Variants in GNAL observed in about 807,000 individuals in gnomAD.
GNAL encodes the protein G protein subunit alpha L.
A neutral mutation model predicts 55.1 loss-of-function variants in GNAL; 18 were observed. The ratio of observed to expected loss-of-function variants is 0.33; its 90% CI spans 0.23 to 0.48. The LOEUF (loss-of-function observed/expected upper bound fraction) is 0.48, where lower values mean the gene tolerates loss of function less well. Among genes scored for constraint, GNAL ranks in the 20% least tolerant of loss-of-function variants. GNAL has a pLI of 0.99. For synonymous variants in GNAL, 253 were observed against 237.0 expected (o/e 1.07, Z -0.62); for missense variants, 412 against 614.1 (o/e 0.67, Z 3.48).
chr18:11,701,007 T>G (rs1001817764), intron 1 of GNAL, among the ~76,000 whole-genome samples: 2 of 152,184 alleles, frequency 1.3e-5, no homozygotes, highest in African/African-American at 4.8e-5. Flanking sequence ...GCCAGGTGCT[T>G]CTCTGGGTGA....
At position 11,752,817 on chromosome 18, in the gene GNAL, GAC is replaced by G. The variant is rs768887593; in HGVS notation, c.377-32_377-31del. The G allele has an allele frequency of 4.8e-6, 7 of 1,464,024 alleles. No homozygotes were observed. The highest frequency in any genetic ancestry group is 4.5e-5 in the South Asian group (4 of 88,022). 90.7% of individuals were successfully genotyped at this position (1,464,024 alleles called of 1,614,324 possible). On this transcript the variant is annotated intron_variant, in intron 1 of 11. Transcript: ENST00000334049. The surrounding 1 kb of genome is among the most constrained non-coding windows in gnomAD (Gnocchi z 4.5). ...TGGTGAGAGATGGCAGCGATATCCG[GAC>G]ACAGATCACAGCGTTCTTTCTGTTT...
intron 1 of GNAL, among the ~76,000 whole-genome samples, chr18:11,691,868 G>A (rs537660224): frequency 1.3e-5 from 2 of 152,206 alleles, no homozygotes; most frequent in African/African-American, 4.8e-5. Context: ...GTGTAACTGC[G>A]TGCAGGAGGG....
chr18:11,782,645 G>A (rs1192345443), intron 4 of GNAL, among the ~76,000 whole-genome samples: 1 of 152,086 alleles, frequency 6.6e-6, no homozygotes, highest in African/African-American at 2.4e-5. Context: ...TAAGGAGATG[G>A]GAGGGGCTCA....
At chr18:11,786,209 TA>T (rs1245862122) in intron 4 of GNAL, among the ~76,000 whole-genome samples, 1 of 152,120 alleles carries the variant, frequency 6.6e-6, no homozygotes, top group Non-Finnish European at 1.5e-5. Flanking sequence ...TTAATAGGGT[TA>T]TATCCTCACA....
At chr18:11,757,892 TA>T in intron 4 of GNAL, among the ~76,000 whole-genome samples, 1 of 151,760 alleles carries the variant, frequency 6.6e-6, no homozygotes, top group African/African-American at 2.4e-5. Context: ...GTGACCTTGA[TA>T]AGGACCCAGG....
At chr18:11,722,968 G>A (rs1461579402) in intron 1 of GNAL, among the ~76,000 whole-genome samples, 1 of 145,406 alleles carries the variant, frequency 6.9e-6, no homozygotes, top group Non-Finnish European at 1.5e-5. Context: ...CCAAGATCGC[G>A]CTATTGCACT....
At chr18:11,753,173 A>G (rs761938156) in intron 2 of GNAL, among the ~76,000 whole-genome samples, 6 of 152,056 alleles carry the variant, frequency 3.9e-5, no homozygotes, top group South Asian at 2.1e-4. Context: ...GTTGATCTGT[A>G]TTACTGGTAT....
intron 1 of GNAL, among the ~76,000 whole-genome samples, chr18:11,703,146 A>G (rs115075604): frequency 0.022 from 3,364 of 152,262 alleles, 101 homozygotes; most frequent in African/African-American, 0.07. Flanking sequence ...CAAAAAAACC[A>G]TATTTGTAGA....
intron 1 of GNAL, among the ~76,000 whole-genome samples, chr18:11,750,805 G>A (rs904416231): frequency 2.2e-4 from 33 of 152,126 alleles, no homozygotes; most frequent in African/African-American, 8.0e-4. Flanking sequence ...ACTAACAAGG[G>A]GCGTGAGATG....
intron 1 of GNAL, among the ~76,000 whole-genome samples, chr18:11,706,867 A>G (rs2031725582): frequency 6.6e-6 from 1 of 152,206 alleles, no homozygotes; most frequent in Non-Finnish European, 1.5e-5. Context: ...TTCCTTTACT[A>G]AAGTCTTGAA....
intron 4 of GNAL, among the ~76,000 whole-genome samples, chr18:11,765,539 C>T (rs749800884): frequency 2.0e-5 from 3 of 152,110 alleles, no homozygotes; most frequent in Non-Finnish European, 4.4e-5. Context: ...CTTTTGTGCC[C>T]GTTGATCATT....
In GNAL at chr18:11,880,235, G is replaced by C. The variant is rs377203901; in HGVS notation, c.1231-754G>C. 4.0e-4 allele frequency among the ~76,000 whole-genome samples: 56 copies of C among 141,390 alleles called. 3 individuals carry two copies. The highest frequency in any genetic ancestry group is 3.4e-3 in the South Asian group (14 of 4,116). 92.8% of individuals were successfully genotyped at this position (141,390 alleles called of 152,430 possible). ...TGGCACCACTGCACTCCAGCCTGGG[G>C]GACACAGCGAGACTCCATCTCAAAC... On this transcript the variant is annotated intron_variant, in intron 11 of 11. Transcript: ENST00000334049.
chr18:11,852,076 T>TC, intron 5 of GNAL: 1 of 1,610,656 alleles, frequency 6.2e-7, no homozygotes, highest in Non-Finnish European at 8.5e-7. Context: ...GGATGAACTG[T>TC]CTCAGAGACT....
At chr18:11,837,210 C>T (rs1046563708) in intron 5 of GNAL, among the ~76,000 whole-genome samples, 12 of 152,130 alleles carry the variant, frequency 7.9e-5, no homozygotes, top group African/African-American at 2.9e-4. Flanking sequence ...AGGCTGGTCT[C>T]GAACTCCTGG....
intron 4 of GNAL, among the ~76,000 whole-genome samples, chr18:11,821,754 C>T (rs2035097095): frequency 6.6e-6 from 1 of 152,190 alleles, no homozygotes; most frequent in Non-Finnish European, 1.5e-5. Flanking sequence ...GGCGGTGATA[C>T]TGATATTTCT....
chr18:11,880,202 A>C lies in GNAL; in HGVS notation c.1231-787A>C, dbSNP rs566184580. Among the ~76,000 whole-genome samples, 9 of 151,424 alleles carry C rather than the reference A, an allele frequency of 5.9e-5. 1 individual carries two copies. In the South Asian group the frequency reaches 1.9e-3, roughly 33 times the overall value. The stretch of plus-strand genomic sequence containing the variant: ...AACCCGGGAGGCAGAGGTTGCAGTG[A>C]GCCGAGATGGCACCACTGCACTCCA... On this transcript the variant is annotated intron_variant, in intron 11 of 11. Coordinates refer to ENST00000334049, the MANE Select transcript of GNAL (RefSeq NM_182978.4).
chr18:11,850,069 A>C (rs762695304), intron 5 of GNAL, among the ~76,000 whole-genome samples: 18 of 152,188 alleles, frequency 1.2e-4, no homozygotes, highest in Non-Finnish European at 8.8e-5. Flanking sequence ...ATAGGCAGAG[A>C]TGCATGGACA....
intron 1 of GNAL, among the ~76,000 whole-genome samples, chr18:11,749,125 CAAAAAAA>C (rs368135476): frequency 2.3e-5 from 2 of 86,548 alleles, no homozygotes; most frequent in Non-Finnish European, 5.3e-5. Context: ...GACTCCATCT[CAAAAAAA>C]AAAAAAAAAA....
At chr18:11,876,457 C>T (rs142753765) in intron 10 of GNAL, among the ~76,000 whole-genome samples, 164 bp from the exon 11 acceptor site, 6 of 151,972 alleles carry the variant, frequency 3.9e-5, no homozygotes, top group East Asian at 1.9e-4. Context: ...AGTGAGACTC[C>T]GTCTCTTAAA....
Sources: gnomAD v4.1 joint callset for allele counts (sites outside exome capture counted in the v4.1 genomes callset) on GRCh38, gnomAD v4.1.1 for gene constraint, Gnocchi (gnomAD v3.1) non-coding constraint, MANE v1.5 for transcripts, NCBI Gene and HGNC (gene_info 2026-07-23, HGNC 2026-07-21) for gene names.